MRGPRX3: variants seen among roughly 807,000 people sequenced by gnomAD.
MRGPRX3 encodes the protein mas-related G protein-coupled receptor member X3.
MRGPRX3 carries 14 observed loss-of-function variants against 16.5 expected under a neutral mutation model. That is an observed-to-expected ratio of 0.85 (90% CI 0.56 to 1.33). The LOEUF (loss-of-function observed/expected upper bound fraction) is 1.33. Ranked by LOEUF, MRGPRX3 falls within the 40% of genes most tolerant of loss-of-function variation. The pLI, the probability that MRGPRX3 is intolerant of heterozygous loss-of-function variation, is 0.00. For synonymous variants in MRGPRX3, 199 were observed against 180.1 expected (o/e 1.10, Z -0.84); for missense variants, 449 against 413.0 (o/e 1.09, Z -0.76).
chr11:18,138,147 G>A lies in MRGPRX3; in HGVS notation c.945G>A (p.Leu315=), dbSNP rs772566882. The A allele has an allele frequency of 6.2e-7, 1 of 1,612,434 alleles. No homozygotes were observed. The highest frequency in any genetic ancestry group is 8.5e-7 in the Non-Finnish European group (1 of 1,179,122). The stretch of plus-strand genomic sequence containing the variant: ...GGCTTCCTCAGGAAACCCTGGAGCT[G>A]TCGGGAAGCAGATTGGAGCAGTGAG... The part of the protein sequence containing the change: ...GGWLPQETLE[L]SGSRLEQ Residue 315 remains leucine, a synonymous_variant, in exon 2 of 2, where the codon CTG becomes CTA. Coordinates refer to ENST00000621697, the MANE Select transcript of MRGPRX3 (RefSeq NM_001370464.1).
At chr11:18,127,503 T>C (rs922773683) in intron 1 of MRGPRX3, among the ~76,000 whole-genome samples, 3 of 152,186 alleles carry the variant, frequency 2.0e-5, no homozygotes, top group Non-Finnish European at 2.9e-5. Context: ...CTTCTCTTCT[T>C]GCTTCATTTC....
At chr11:18,129,540 ATT>A (rs1554906618), upstream of MRGPRX3, among the ~76,000 whole-genome samples, 62 of 152,048 alleles carry the variant, frequency 4.1e-4, no homozygotes, top group African/African-American at 1.3e-3. Flanking sequence ...TTGAAATAAA[ATT>A]TTTTTTTAAA....
At chr11:18,125,843 A>G (rs1016843389) in intron 1 of MRGPRX3, among the ~76,000 whole-genome samples, 2 of 152,124 alleles carry the variant, frequency 1.3e-5, no homozygotes, top group Non-Finnish European at 2.9e-5. Context: ...GTAGGTCTCT[A>G]AGGACTTGCT....
At chr11:18,126,330 T>C (rs1335588532) in intron 1 of MRGPRX3, among the ~76,000 whole-genome samples, 2 of 152,178 alleles carry the variant, frequency 1.3e-5, no homozygotes, top group African/African-American at 2.4e-5. Context: ...TGGCTGGTAC[T>C]GGTTGTTCCT....
At chr11:18,131,213 G>T (rs897162114), upstream of MRGPRX3, among the ~76,000 whole-genome samples, 1 of 151,954 alleles carries the variant, frequency 6.6e-6, no homozygotes, top group East Asian at 1.9e-4. Context: ...AAGCTTTTGC[G>T]CAGCAAAAAC....
chr11:18,131,893 T>C (rs1478346641), upstream of MRGPRX3, among the ~76,000 whole-genome samples: 8 of 152,090 alleles, frequency 5.3e-5, no homozygotes, highest in African/African-American at 1.7e-4. Flanking sequence ...TAATGAACTC[T>C]GGGGACTTGA....
In MRGPRX3 at chr11:18,136,907, A is replaced by C. The variant is rs4998968; in HGVS notation, c.-25-271A>C. 2.2e-4 allele frequency among the ~76,000 whole-genome samples: 33 copies of C among 152,102 alleles called. 1 individual carries two copies. In the South Asian group the frequency reaches 4.6e-3, roughly 21 times the overall value. On this transcript the variant is annotated intron_variant, in intron 1 of 1. Transcript: ENST00000621697. ...ATAGAGTAATCATCGGGTCCACAGC[A>C]CTGGCTAGATGAGTGGGGGTGTTTT...
At chr11:18,127,637 C>T (rs1382476218), upstream of MRGPRX3, among the ~76,000 whole-genome samples, 1 of 152,236 alleles carries the variant, frequency 6.6e-6, no homozygotes, top group African/African-American at 2.4e-5. Flanking sequence ...CCTTTAAGGA[C>T]TTCTCTGCAT....
In MRGPRX3 at chr11:18,137,404, C is replaced by A; in HGVS notation, c.202C>A (p.Leu68Met). The A allele has an allele frequency of 6.2e-7, 1 of 1,614,196 alleles. No homozygotes were observed. Among genetic ancestry groups the A allele is most frequent in the South Asian group, 1.1e-5 (1 of 91,076 alleles). The stretch of plus-strand genomic sequence containing the variant: ...CGCTGTCTCCATCTACATCCTCAAC[C>A]TGGTCGCGGCCGACTTCCTCTTCCT... ...RNAVSIYILN[L>M]VAADFLFLSG... is the part of the protein sequence containing the mutation. Residue 68 changes from leucine (L) to methionine (M), a missense_variant, in exon 2 of 2, where the codon CTG (leucine) becomes ATG (methionine). Leu to Met is a conservative substitution (Grantham distance 15). Coordinates refer to ENST00000621697, the MANE Select transcript of MRGPRX3 (RefSeq NM_001370464.1).
intron 1 of MRGPRX3, among the ~76,000 whole-genome samples, chr11:18,126,549 T>G (rs1447620632): frequency 6.6e-6 from 1 of 152,184 alleles, no homozygotes; most frequent in Non-Finnish European, 1.5e-5. Flanking sequence ...TGTGCAGGTT[T>G]GTTACATATG....
rs1848972313 is a variant in MRGPRX3 at position 18,132,644 on chromosome 11, A to G, written c.-121A>G. 6.6e-6 allele frequency: 1 copy of G among 152,230 alleles called. No individual in the cohort carries two copies. The highest frequency in any genetic ancestry group is 2.4e-5 in the African/African-American group (1 of 41,444). 9.4% of individuals were successfully genotyped at this position (152,230 alleles called of 1,614,324 possible). On this transcript the variant is annotated 5_prime_UTR_variant, in exon 1 of 2. Transcript: ENST00000621697. ...GTAGGCATCTCCTGAATTAAGCAAC[A>G]CAGAAAAGTCCTCTGAAGTCACTGA...
At chr11:18,124,616 C>T (rs1221496818) in intron 1 of MRGPRX3, among the ~76,000 whole-genome samples, 5 of 152,198 alleles carry the variant, frequency 3.3e-5, no homozygotes, top group East Asian at 1.9e-4. Flanking sequence ...ATTTTTGCAT[C>T]GATATTCATC....
rs184402606 is a variant in MRGPRX3 at position 18,137,323 on chromosome 11, G to T, written c.121G>T (p.Ala41Ser). 8 of 1,614,072 alleles carry T rather than the reference G, an allele frequency of 5.0e-6. 1 individual carries two copies. The Admixed American group carries it at 1.2e-4, about 24-fold the overall frequency. Residue 41 changes from alanine (A) to serine (S), a missense_variant, in exon 2 of 2, where the codon GCG (alanine) becomes TCG (serine). Ala to Ser is a moderately conservative substitution (Grantham distance 99). Coordinates refer to ENST00000621697, the MANE Select transcript of MRGPRX3 (RefSeq NM_001370464.1). Reference sequence around the variant, plus strand: ...GCTGACGTGCATCGTTTCCCTTGTCGCGCTGACAGGAAACGCGGTTGTGCT... The same window carrying T: ...GCTGACGTGCATCGTTTCCCTTGTCTCGCTGACAGGAAACGCGGTTGTGCT... Reference protein sequence around the residue: ...TGLTCIVSLVALTGNAVVLWL... With the variant: ...TGLTCIVSLVSLTGNAVVLWL...
intron 1 of MRGPRX3, among the ~76,000 whole-genome samples, chr11:18,121,521 G>A (rs569998113): frequency 1.3e-5 from 2 of 152,216 alleles, no homozygotes; most frequent in Admixed American, 6.5e-5. Flanking sequence ...CATTGAGAAC[G>A]GGCCAGGATG....
In MRGPRX3 at chr11:18,137,512, T is replaced by G; in HGVS notation, c.310T>G (p.Phe104Val). ...CAAAATCCTCAGTCCTGTGATGACC[T>G]TTCCCTACTTTATAGGCCTAAGCAT... ...ISKILSPVMT[F>V]PYFIGLSMLS... is the part of the protein sequence containing the mutation. The change falls in exon 2 of 2, where the codon TTT becomes GTT. Residue 104 changes from phenylalanine to valine, a missense_variant. Phe to Val is a conservative substitution (Grantham distance 50). Transcript: ENST00000621697. The G allele has an allele frequency of 6.2e-7, 1 of 1,614,198 alleles. No individual in the cohort carries two copies.
intron 1 of MRGPRX3, among the ~76,000 whole-genome samples, chr11:18,135,279 C>T (rs1407737521): frequency 1.3e-5 from 2 of 152,312 alleles, no homozygotes; most frequent in African/African-American, 2.4e-5. Flanking sequence ...TTACTCCTTA[C>T]GGATCTTCGG....
At chr11:18,124,810 T>C (rs1406606385) in intron 1 of MRGPRX3, among the ~76,000 whole-genome samples, 1 of 152,226 alleles carries the variant, frequency 6.6e-6, no homozygotes, top group African/African-American at 2.4e-5. Context: ...TGTGAATTCA[T>C]CTGGTCCTGG....
At chr11:18,132,444 A>T (rs1460156912), upstream of MRGPRX3, 1 of 152,242 alleles carries the variant, frequency 6.6e-6, no homozygotes, top group African/African-American at 2.4e-5. Context: ...GGGACGTGAT[A>T]GGAGAGGCTT....
At chr11:18,126,968 T>G (rs1186668759) in intron 1 of MRGPRX3, among the ~76,000 whole-genome samples, 1 of 152,234 alleles carries the variant, frequency 6.6e-6, no homozygotes, top group Non-Finnish European at 1.5e-5. Flanking sequence ...GCATGTGTCT[T>G]TATAGCAGCG....
Sources: allele counts gnomAD v4.1 joint callset (sites outside exome capture counted in the v4.1 genomes callset), GRCh38; gene constraint gnomAD v4.1.1; transcripts MANE v1.5; gene names NCBI Gene and HGNC (gene_info 2026-07-23, HGNC 2026-07-21).